The following SYNE2 variants were observed in gnomAD, a reference collection of about 807,000 sequenced individuals.
SYNE2 encodes the protein nesprin-2.
In SYNE2, 431 loss-of-function variants were observed where a neutral mutation model predicts 856.3. The observed-to-expected ratio is 0.50, with a 90% CI of 0.47 to 0.55. The LOEUF is 0.55. Among genes scored for constraint, SYNE2 ranks in the 20% least tolerant of loss-of-function variants. The pLI is 0.00. For synonymous variants in SYNE2, 2,923 were observed against 2,872.3 expected (o/e 1.02, Z -0.56); for missense variants, 8,129 against 8,023.2 (o/e 1.01, Z -0.50).
At chr14:64,097,828 TG>T in intron 61 of SYNE2, 120 bp from the exon 62 acceptor site, 1 of 959,824 alleles carries the variant, frequency 1.0e-6, no homozygotes, top group Non-Finnish European at 1.7e-6. Context: ...GACTAGCTTC[TG>T]GCTTTGTAAA....
At chr14:63,826,782 AC>A (rs1180842646) in intron 1 of SYNE2, among the ~76,000 whole-genome samples, 1 of 152,188 alleles carries the variant, frequency 6.6e-6, no homozygotes, top group Non-Finnish European at 1.5e-5. Context: ...TATCTTTGTG[AC>A]CTTGTGTTAG....
At chr14:63,952,674 A>G (rs957027706) in intron 7 of SYNE2, among the ~76,000 whole-genome samples, 1 of 152,214 alleles carries the variant, frequency 6.6e-6, no homozygotes, top group Non-Finnish European at 1.5e-5. Context: ...TTTTTAAAGC[A>G]TTTAGAACAG....
At chr14:63,871,101 T>C (rs1441264237) in intron 1 of SYNE2, among the ~76,000 whole-genome samples, 1 of 152,196 alleles carries the variant, frequency 6.6e-6, no homozygotes, top group Non-Finnish European at 1.5e-5. Flanking sequence ...GAACTCTCCA[T>C]TTATCAATGC....
At chr14:64,184,831 C>A (rs927886026) in intron 96 of SYNE2, among the ~76,000 whole-genome samples, 4 of 152,202 alleles carry the variant, frequency 2.6e-5, no homozygotes, top group Non-Finnish European at 5.9e-5. Context: ...AAAAAGAATT[C>A]TCTGGGCCAT....
chr14:64,202,138 A>G (rs1412211768), intron 99 of SYNE2: 2 of 701,004 alleles, frequency 2.9e-6, no homozygotes, highest in Admixed American at 2.0e-5. Context: ...GGGAGATCAC[A>G]TTTAGAACTG....
At chr14:63,986,033 G>T (rs1435355060) in intron 18 of SYNE2, among the ~76,000 whole-genome samples, 1 of 152,160 alleles carries the variant, frequency 6.6e-6, no homozygotes, top group Non-Finnish European at 1.5e-5. Context: ...TATTGTCAAA[G>T]AACTACATCT....
At chr14:64,210,340 G>C (rs1033092718) in intron 103 of SYNE2, among the ~76,000 whole-genome samples, 4 of 152,238 alleles carry the variant, frequency 2.6e-5, no homozygotes, top group Non-Finnish European at 4.4e-5. Flanking sequence ...AGGGCCTGTT[G>C]ATGAGATTTG....
At chr14:63,982,828 G>T in intron 17 of SYNE2, 34 bp downstream of exon 17, 1 of 1,604,504 alleles carries the variant, frequency 6.2e-7, no homozygotes, top group South Asian at 1.1e-5. Flanking sequence ...GCTTTATTTA[G>T]ATATGATTCA....
At chr14:64,090,803 ATTAAAT>A (rs2097605527) in intron 59 of SYNE2, 57 bp from the exon 60 acceptor site, 11 of 1,418,738 alleles carry the variant, frequency 7.8e-6, no homozygotes, top group Non-Finnish European at 1.1e-5. Context: ...ATTTTGAATA[ATTAAAT>A]TTAACAGTGG....
intron 96 of SYNE2, among the ~76,000 whole-genome samples, chr14:64,183,155 C>T (rs1383297970): frequency 1.8e-4 from 27 of 150,294 alleles, no homozygotes; most frequent in Non-Finnish European, 1.5e-4. Flanking sequence ...CCTCACTTCT[C>T]GGACGGGGCG....
chr14:64,073,772 A>AT (rs1170102078), intron 52 of SYNE2, among the ~76,000 whole-genome samples, 196 bp from the exon 53 acceptor site: 1 of 152,208 alleles, frequency 6.6e-6, no homozygotes, highest in Admixed American at 6.5e-5. Context: ...GAGGTTTTTG[A>AT]TTAAGTGGTA....
intron 57 of SYNE2, chr14:64,084,221 G>A (rs1005736905): frequency 2.6e-5 from 4 of 152,136 alleles, no homozygotes; most frequent in African/African-American, 7.2e-5. Context: ...ACCACACCCG[G>A]CCTGTTTTTT....
At chr14:64,102,492 A>G (rs2097739447) in intron 64 of SYNE2, among the ~76,000 whole-genome samples, 1 of 147,266 alleles carries the variant, frequency 6.8e-6, no homozygotes, top group African/African-American at 2.5e-5. Context: ...GGGAACCTGC[A>G]TGGGCTGAAT....
At chr14:64,191,864 T>A (rs1048044915) in intron 99 of SYNE2, among the ~76,000 whole-genome samples, 1 of 152,248 alleles carries the variant, frequency 6.6e-6, no homozygotes, top group African/African-American at 2.4e-5. Context: ...TTCCCACTTA[T>A]TCACTGTGGA....
At chr14:64,152,837 C>G in intron 85 of SYNE2, 121 bp downstream of exon 85, 1 of 1,323,514 alleles carries the variant, frequency 7.6e-7, no homozygotes, top group Non-Finnish European at 1.1e-6. Flanking sequence ...TGAAAAGTTG[C>G]TGAGAAAAAT....
At chr14:63,985,637 ATC>A (rs1442272304) in intron 18 of SYNE2, among the ~76,000 whole-genome samples, 1 of 152,336 alleles carries the variant, frequency 6.6e-6, no homozygotes, top group Admixed American at 6.5e-5. Context: ...ATAAAATATT[ATC>A]TGATAGGAAT....
chr14:64,048,216 T>C, intron 46 of SYNE2, 61 bp downstream of exon 46: 1 of 1,552,952 alleles, frequency 6.4e-7, no homozygotes, highest in African/African-American at 1.4e-5. Flanking sequence ...CAATACAATA[T>C]ATTTTAATTG....
At chr14:64,179,331 G>A (rs771152907) in intron 96 of SYNE2, among the ~76,000 whole-genome samples, 9 of 152,094 alleles carry the variant, frequency 5.9e-5, no homozygotes, top group Non-Finnish European at 8.8e-5. Context: ...TAGAGATGGT[G>A]TTTCGCCACG....
rs1555556019 is a variant in SYNE2, at chr14:64,219,104, G to GTTTTTTGTTTT, written c.19658-98_19658-97insGTTTTTTTTTT. 2.2e-5 allele frequency: 9 copies of GTTTTTTGTTTT among 409,016 alleles called. No homozygotes were observed. The East Asian group carries it at 4.1e-4, about 18-fold the overall frequency. 25.3% of individuals were successfully genotyped at this position (409,016 alleles called of 1,614,324 possible). On this transcript the variant is annotated intron_variant, in intron 109 of 115. Transcript: ENST00000555002. ...CAGGGGAATCCCCTACAGTTTTTTT[G>GTTTTTTGTTTT]TTTTTTTTTTTTTTTTTTTTAACCA...
Sources: allele counts gnomAD v4.1 joint callset (sites outside exome capture counted in the v4.1 genomes callset), GRCh38; gene constraint gnomAD v4.1.1; transcripts MANE v1.5; gene names NCBI Gene and HGNC (gene_info 2026-07-23, HGNC 2026-07-21).